PPM1L: variants seen among roughly 807,000 people sequenced by gnomAD.
PPM1L encodes protein phosphatase 1L.
In PPM1L, 13 loss-of-function variants were observed where a neutral mutation model predicts 31.4. The ratio of observed to expected loss-of-function variants is 0.41; its 90% confidence interval spans 0.27 to 0.66. The LOEUF (loss-of-function observed/expected upper bound fraction) is 0.66. Among genes scored for constraint, PPM1L ranks in the 30% least tolerant of loss-of-function variants. PPM1L has a pLI of 0.29. For synonymous variants in PPM1L, 184 were observed against 175.4 expected (o/e 1.05, Z -0.39); for missense variants, 326 against 453.7 (o/e 0.72, Z 2.56).
At chr3:160,793,515 A>G (rs941884727) in intron 1 of PPM1L, among the ~76,000 whole-genome samples, 5 of 152,188 alleles carry the variant, frequency 3.3e-5, no homozygotes, top group African/African-American at 9.7e-5. Flanking sequence ...CCCCTATGTC[A>G]GGCCTTCAAA....
At chr3:160,983,237 G>C (rs1476142009) in intron 2 of PPM1L, among the ~76,000 whole-genome samples, 3 of 152,184 alleles carry the variant, frequency 2.0e-5, no homozygotes, top group Non-Finnish European at 4.4e-5. Context: ...AATGCAAGAA[G>C]GTCTAGGGCT....
intron 1 of PPM1L, among the ~76,000 whole-genome samples, chr3:160,925,572 A>G (rs1714558881): frequency 6.6e-6 from 1 of 152,178 alleles, no homozygotes; most frequent in South Asian, 2.1e-4. Context: ...CTAACCCGCC[A>G]TTACTGGAAG....
At chr3:160,849,746 A>G (rs1488508048) in intron 1 of PPM1L, among the ~76,000 whole-genome samples, 4 of 150,754 alleles carry the variant, frequency 2.7e-5, no homozygotes, top group African/African-American at 7.4e-5. Flanking sequence ...TTGTATTTTT[A>G]GTAGAGATGG....
chr3:160,835,039 A>ACTACTACTTCTTCTTCTT (rs760363593), intron 1 of PPM1L, among the ~76,000 whole-genome samples: 2 of 131,754 alleles, frequency 1.5e-5, no homozygotes, highest in African/African-American at 6.2e-5. Flanking sequence ...TACTACTACT[A>ACTACTACTTCTTCTTCTT]CTTCTTCTTC....
At chr3:160,993,874 C>T (rs1325226246) in intron 2 of PPM1L, among the ~76,000 whole-genome samples, 2 of 152,078 alleles carry the variant, frequency 1.3e-5, no homozygotes, top group African/African-American at 4.8e-5. Context: ...CCATTAGTTC[C>T]TTTTTGTTTT....
chr3:161,049,878 G>A (rs576682592), intron 2 of PPM1L, among the ~76,000 whole-genome samples: 65 of 152,298 alleles, frequency 4.3e-4, no homozygotes, highest in African/African-American at 1.5e-3. Context: ...GCCCATAGCA[G>A]AAACAGACTC....
intron 2 of PPM1L, among the ~76,000 whole-genome samples, chr3:161,054,773 C>G (rs578108660): frequency 1.3e-5 from 2 of 152,056 alleles, no homozygotes; most frequent in Non-Finnish European, 2.9e-5. Flanking sequence ...ATTATGTATG[C>G]CAAGGACTAA....
In PPM1L at chr3:160,954,900, C is replaced by T. The variant is rs549725451; in HGVS notation, c.400-6836C>T. Among the ~76,000 whole-genome samples the T allele has an allele frequency of 3.0e-4, 36 of 120,644 alleles. No individual in the cohort carries two copies. The East Asian group carries it at 8.8e-3, about 30-fold the overall frequency. The allele number at this position is 120,644 out of a possible 152,430, so 79.1% of individuals were successfully genotyped here. On this transcript the variant is annotated intron_variant, in intron 1 of 3. Transcript: ENST00000498165. ...GTTTTTGTTTTCCCTTTCTTTCTTC[C>T]TTCCTTCCTTCCTTCCTTCCTTCTT...
At chr3:160,910,251 C>G (rs1713916737) in intron 1 of PPM1L, among the ~76,000 whole-genome samples, 1 of 55,134 alleles carries the variant, frequency 1.8e-5, no homozygotes, top group African/African-American at 5.9e-5. Context: ...TTTCCTTTCC[C>G]CTTCCCCTTT....
rs141735151 is a variant in PPM1L, at chr3:161,016,069, A to G, written c.575-49334A>G. On this transcript the variant is annotated intron_variant, in intron 2 of 3. Coordinates refer to ENST00000498165, the MANE Select transcript of PPM1L (RefSeq NM_139245.4). ...ACCAAAAGGTGTGTCTATATCACAT[A>G]TGATATTTGGTCTCATGAGACACTT... Among the ~76,000 whole-genome samples the G allele has an allele frequency of 8.5e-4, 129 of 152,248 alleles. 1 individual carries two copies. Among genetic ancestry groups the G allele is most frequent in the Admixed American group, 7.7e-3 (118 of 15,278 alleles).
intron 2 of PPM1L, among the ~76,000 whole-genome samples, chr3:161,017,653 T>A (rs564443682): frequency 3.3e-4 from 51 of 152,242 alleles, no homozygotes; most frequent in African/African-American, 1.2e-3. Context: ...AAGAGAGCAG[T>A]TAGCTCATTT....
At chr3:160,952,922 A>C (rs151022969) in intron 1 of PPM1L, among the ~76,000 whole-genome samples, 5 of 152,302 alleles carry the variant, frequency 3.3e-5, no homozygotes, top group Non-Finnish European at 7.4e-5. Context: ...TTCAGATTAT[A>C]ATTGTGTGTG....
chr3:161,063,931 ACAC>A (rs955644141), intron 2 of PPM1L, among the ~76,000 whole-genome samples: 3 of 152,296 alleles, frequency 2.0e-5, no homozygotes, highest in Non-Finnish European at 4.4e-5. Flanking sequence ...AGAAAACCAA[ACAC>A]CACATGTTCT....
intron 1 of PPM1L, among the ~76,000 whole-genome samples, chr3:160,866,919 A>T (rs1712111585): frequency 6.6e-6 from 1 of 152,030 alleles, no homozygotes; most frequent in Admixed American, 6.6e-5. Flanking sequence ...ATCACAGCTC[A>T]CTCCAGCCTT....
At chr3:160,999,108 A>G (rs1717406910) in intron 2 of PPM1L, among the ~76,000 whole-genome samples, 1 of 152,168 alleles carries the variant, frequency 6.6e-6, no homozygotes, top group Admixed American at 6.6e-5. Flanking sequence ...AATAGCCTAC[A>G]TTCTTCAGCA....
intron 1 of PPM1L, among the ~76,000 whole-genome samples, chr3:160,819,458 T>C (rs540459502): frequency 6.6e-6 from 1 of 152,148 alleles, no homozygotes; most frequent in East Asian, 1.9e-4. Flanking sequence ...ACAGATACAA[T>C]GATAATGTCA....
chr3:160,975,547 C>G (rs894368338), intron 2 of PPM1L, among the ~76,000 whole-genome samples: 29 of 152,010 alleles, frequency 1.9e-4, no homozygotes, highest in African/African-American at 6.7e-4. Context: ...TTTTTATTTC[C>G]TTGAGCAGTG....
At chr3:160,801,762 A>G (rs920279655) in intron 1 of PPM1L, among the ~76,000 whole-genome samples, 5 of 152,040 alleles carry the variant, frequency 3.3e-5, no homozygotes, top group Admixed American at 1.3e-4. Context: ...CCTCTCCCAC[A>G]GTGTCTCAGC....
chr3:160,884,691 A>AT (rs35682501), intron 1 of PPM1L, among the ~76,000 whole-genome samples: 52,113 of 152,042 alleles, frequency 0.34, 9,630 homozygotes, highest in East Asian at 0.51. Flanking sequence ...CAGAGCCCAC[A>AT]TACAATGGAA....
Sources: allele counts gnomAD v4.1 joint callset (sites outside exome capture counted in the v4.1 genomes callset), GRCh38; gene constraint gnomAD v4.1.1; transcripts MANE v1.5; gene names NCBI Gene and HGNC (gene_info 2026-07-23, HGNC 2026-07-21).